Variants in RYR2 observed in about 807,000 individuals in gnomAD.
The protein encoded by RYR2 is cardiac muscle ryanodine receptor-calcium release channel.
Under a neutral mutation model 601.1 loss-of-function variants are expected in RYR2, and 227 were observed. The observed-to-expected ratio is 0.38, with a 90% CI of 0.34 to 0.42. RYR2 has a LOEUF of 0.42. RYR2 is among the 10% of genes least tolerant of loss of function. The pLI, the probability that RYR2 is intolerant of heterozygous loss-of-function variation, is 1.00. For missense variants in RYR2, 4,646 were observed against 6,156.5 expected, an observed-to-expected ratio of 0.75 and a Z score of 8.21; for synonymous variants, 2,223 against 2,175.1, an observed-to-expected ratio of 1.02 and a Z score of -0.61.
chr1:237,546,065 A>T (rs1356326867), intron 25 of RYR2, among the ~76,000 whole-genome samples: 1 of 151,818 alleles, frequency 6.6e-6, no homozygotes, highest in African/African-American at 2.4e-5. Context: ...CTGTGATTAC[A>T]GTTTATAGAT....
intron 66 of RYR2, among the ~76,000 whole-genome samples, chr1:237,704,763 G>T (rs999622203): frequency 6.6e-6 from 1 of 151,794 alleles, no homozygotes; most frequent in Non-Finnish European, 1.5e-5. Context: ...GTAAGGAAAA[G>T]ACATTTTGAA....
intron 10 of RYR2, among the ~76,000 whole-genome samples, chr1:237,392,272 T>G (rs2149874205): frequency 6.6e-6 from 1 of 152,232 alleles, no homozygotes; most frequent in Admixed American, 6.5e-5. Flanking sequence ...ACAGGGTAAC[T>G]ATAGCCAACA....
chr1:237,435,749 A>C (rs773632884), intron 12 of RYR2, among the ~76,000 whole-genome samples: 1 of 152,250 alleles, frequency 6.6e-6, no homozygotes, highest in Non-Finnish European at 1.5e-5. Flanking sequence ...GATGACACAG[A>C]AATACATATC....
chr1:237,497,702 A>G (rs1282436736), intron 20 of RYR2, among the ~76,000 whole-genome samples: 3 of 152,210 alleles, frequency 2.0e-5, no homozygotes, highest in Non-Finnish European at 4.4e-5. Flanking sequence ...AATAAGAAAT[A>G]AGTTGAACTA....
intron 24 of RYR2, among the ~76,000 whole-genome samples, chr1:237,527,104 T>C (rs1381265702): frequency 6.6e-6 from 1 of 152,154 alleles, no homozygotes; most frequent in African/African-American, 2.4e-5. Flanking sequence ...CAAAGATCAG[T>C]TGGTTGTAGG....
chr1:237,462,558 C>T (rs1290881591), intron 16 of RYR2, among the ~76,000 whole-genome samples: 3 of 152,234 alleles, frequency 2.0e-5, no homozygotes, highest in Admixed American at 6.5e-5. Context: ...GGCAAACTTT[C>T]CTATGAATAC....
intron 3 of RYR2, among the ~76,000 whole-genome samples, chr1:237,333,810 T>G (rs1298130104): frequency 6.6e-6 from 1 of 152,198 alleles, no homozygotes; most frequent in Non-Finnish European, 1.5e-5. Flanking sequence ...TGTAGTTTGC[T>G]TAAATGAAGA....
chr1:237,833,493 A>G lies in RYR2; in HGVS notation c.*846A>G, dbSNP rs1392295618. 6.6e-6 allele frequency: 1 copy of G among 152,168 alleles called. No homozygotes were observed. Among genetic ancestry groups the G allele is most frequent in the Non-Finnish European group, 1.5e-5 (1 of 68,038 alleles). 9.4% of individuals were successfully genotyped at this position (152,168 alleles called of 1,614,324 possible). ...ACTTTCAAAAGAAACCATTCATTGC[A>G]TGTTTATTATGCAAGTTTAAATGAA... On this transcript the variant is annotated 3_prime_UTR_variant, in exon 105 of 105. Coordinates refer to ENST00000366574, the MANE Select transcript of RYR2 (RefSeq NM_001035.3).
intron 1 of RYR2, among the ~76,000 whole-genome samples, chr1:237,141,668 C>T (rs1057081448): frequency 3.9e-5 from 6 of 152,314 alleles, no homozygotes; most frequent in East Asian, 1.9e-4. Flanking sequence ...ACCTTCTGGG[C>T]GGCAGCGGGA....
chr1:237,457,725 A>T (rs926428793), intron 16 of RYR2, among the ~76,000 whole-genome samples: 2 of 152,174 alleles, frequency 1.3e-5, no homozygotes, highest in Non-Finnish European at 2.9e-5. Flanking sequence ...TGCTGCAAAC[A>T]TCTTGGAAAA....
intron 62 of RYR2, among the ~76,000 whole-genome samples, chr1:237,682,722 A>T (rs1368685826): frequency 1.3e-5 from 2 of 152,196 alleles, no homozygotes; most frequent in Non-Finnish European, 2.9e-5. Context: ...ACTGTATTTC[A>T]TCTTCAGTTT....
chr1:237,648,624 A>C lies in RYR2; in HGVS notation c.7512+11A>C, dbSNP rs1336822390. On this transcript the variant is annotated intron_variant, in intron 49 of 104. Coordinates refer to ENST00000366574, the MANE Select transcript of RYR2 (RefSeq NM_001035.3). Reference sequence around the variant, plus strand: ...GCTTCTTTAGATACGGTGAGATTGGAGCGATGGACTTCCTCCTCTCTTGAC... The same window carrying C: ...GCTTCTTTAGATACGGTGAGATTGGCGCGATGGACTTCCTCCTCTCTTGAC... 1 of 1,603,908 alleles carries C rather than the reference A, an allele frequency of 6.2e-7. No homozygotes were observed. Among genetic ancestry groups the C allele is most frequent in the Non-Finnish European group, 8.5e-7 (1 of 1,174,366 alleles).
chr1:237,798,672 A>G (rs1230284082), intron 97 of RYR2, among the ~76,000 whole-genome samples: 1 of 152,106 alleles, frequency 6.6e-6, no homozygotes, highest in Non-Finnish European at 1.5e-5. Context: ...CCATCATACC[A>G]TTACTTGTAA....
intron 1 of RYR2, among the ~76,000 whole-genome samples, chr1:237,045,993 TA>T (rs1323444718): frequency 6.6e-6 from 1 of 151,356 alleles, no homozygotes; most frequent in African/African-American, 2.4e-5. Context: ...GATTGAGACT[TA>T]AAGCTTAGTC....
intron 8 of RYR2, among the ~76,000 whole-genome samples, chr1:237,386,243 T>C (rs1010472046): frequency 1.9e-4 from 29 of 152,208 alleles, no homozygotes; most frequent in African/African-American, 6.8e-4. Context: ...TTAAAGTTTC[T>C]TTGGTTTTAT....
intron 20 of RYR2, among the ~76,000 whole-genome samples, chr1:237,498,824 T>C (rs1664341786): frequency 6.6e-6 from 1 of 152,138 alleles, no homozygotes; most frequent in African/African-American, 2.4e-5. Context: ...GAAAGGACGA[T>C]AGGCAGTGGA....
At chr1:237,149,199 T>G (rs764136030) in intron 1 of RYR2, among the ~76,000 whole-genome samples, 1 of 152,198 alleles carries the variant, frequency 6.6e-6, no homozygotes, top group African/African-American at 2.4e-5. Context: ...GTGTCGCTTA[T>G]TTTCTATGCC....
intron 10 of RYR2, among the ~76,000 whole-genome samples, chr1:237,398,027 T>C (rs1458401760): frequency 6.6e-6 from 1 of 152,132 alleles, no homozygotes; most frequent in Non-Finnish European, 1.5e-5. Flanking sequence ...GGTCTATAAT[T>C]TGGTATCTTG....
intron 87 of RYR2, 27 bp downstream of exon 87, chr1:237,773,675 TG>T: frequency 6.2e-7 from 1 of 1,600,290 alleles, no homozygotes; most frequent in Non-Finnish European, 8.5e-7. Context: ...GGCTGCTATC[TG>T]TAGCACTGAA....
Sources: gnomAD v4.1 joint callset for allele counts (sites outside exome capture counted in the v4.1 genomes callset) on GRCh38, gnomAD v4.1.1 for gene constraint, MANE v1.5 for transcripts, NCBI Gene and HGNC (gene_info 2026-07-23, HGNC 2026-07-21) for gene names.